The following SPPL2B variants were observed in gnomAD, a reference collection of about 807,000 sequenced individuals.
SPPL2B encodes signal peptide peptidase-like 2B.
A neutral mutation model predicts 59.7 loss-of-function variants in SPPL2B; 39 were observed. The ratio of observed to expected loss-of-function variants is 0.65; its 90% CI spans 0.51 to 0.85. The LOEUF (loss-of-function observed/expected upper bound fraction) is 0.85. Ranked by LOEUF, SPPL2B falls within the 40% of genes least tolerant of loss-of-function variation. SPPL2B has a pLI of 0.00. For synonymous variants in SPPL2B, 419 were observed against 370.8 expected, an observed-to-expected ratio of 1.13 and a Z score of -1.49; for missense variants, 865 against 849.0, an observed-to-expected ratio of 1.02 and a Z score of -0.23.
chr19:2,349,059 T>C (rs74203172), intron 13 of SPPL2B, among the ~76,000 whole-genome samples: 507 of 20,420 alleles, frequency 0.025, no homozygotes, highest in Middle Eastern at 0.091. Context: ...TCTCATTCGC[T>C]TGATTCCGTT....
chr19:2,328,687 G>T lies in SPPL2B; in HGVS notation c.-23G>T. ...GCGTTGCTGGGAAACATCTGCCGTT[G>T]GTTGCGGCGGGCACCGGCCGACATG... On this transcript the variant is annotated 5_prime_UTR_variant, in exon 1 of 15. Transcript: ENST00000613503. 7.0e-7 allele frequency: 1 copy of T among 1,434,756 alleles called. No individual in the cohort carries two copies. The highest frequency in any genetic ancestry group is 9.1e-7 in the Non-Finnish European group (1 of 1,103,318). The allele number at this position is 1,434,756 out of a possible 1,614,324, so 88.9% of individuals were successfully genotyped here. A position where few individuals can be genotyped will look rare whatever the true frequency, so the allele number is the denominator to read the frequency against.
At chr19:2,352,177 G>A (rs1969963655) in intron 14 of SPPL2B, among the ~76,000 whole-genome samples, 1 of 152,176 alleles carries the variant, frequency 6.6e-6, no homozygotes, top group African/African-American at 2.4e-5. Flanking sequence ...GAACAGGAGT[G>A]GGTGGGACCC....
At chr19:2,348,352 TCA>T (rs1453115666) in intron 13 of SPPL2B, among the ~76,000 whole-genome samples, 10 of 59,852 alleles carry the variant, frequency 1.7e-4, no homozygotes, top group African/African-American at 6.2e-4. Flanking sequence ...ACACACACAC[TCA>T]CGCGCTCTCA....
intron 12 of SPPL2B, 138 bp from the exon 13 acceptor site, chr19:2,345,111 CCTGT>C: frequency 7.8e-6 from 5 of 644,018 alleles, no homozygotes; most frequent in South Asian, 5.3e-5. Context: ...GAGCGTGTGG[CCTGT>C]CTGTGAAATG....
intron 13 of SPPL2B, among the ~76,000 whole-genome samples, chr19:2,346,324 C>T (rs1001690141): frequency 1.3e-5 from 2 of 152,260 alleles, no homozygotes; most frequent in Admixed American, 6.5e-5. Flanking sequence ...GCAGGTGCCC[C>T]TGGCTTTCCC....
chr19:2,346,884 C>T (rs12982784), intron 13 of SPPL2B, among the ~76,000 whole-genome samples: 53,471 of 152,038 alleles, frequency 0.35, 10,470 homozygotes, highest in Middle Eastern at 0.46. Context: ...GGACGCTCCC[C>T]GTGGCATGGC....
chr19:2,329,179 G>A (rs958227086), intron 1 of SPPL2B, among the ~76,000 whole-genome samples: 1 of 152,234 alleles, frequency 6.6e-6, no homozygotes, highest in Non-Finnish European at 1.5e-5. Context: ...GAACGGGCAC[G>A]GTGCTAAGCT....
chr19:2,351,210 C>T (rs1481344132), intron 13 of SPPL2B, among the ~76,000 whole-genome samples: 1 of 152,184 alleles, frequency 6.6e-6, no homozygotes, highest in Non-Finnish European at 1.5e-5. Context: ...CCTCGGTGAC[C>T]CTGGCTCCGG....
At chr19:2,333,853 G>A (rs1357804849) in intron 1 of SPPL2B, among the ~76,000 whole-genome samples, 1 of 152,244 alleles carries the variant, frequency 6.6e-6, no homozygotes, top group East Asian at 1.9e-4. Context: ...CGAAGTGGGA[G>A]CTGCTGTGCT....
At chr19:2,340,485 GC>G in intron 7 of SPPL2B, 1 of 610,110 alleles carries the variant, frequency 1.6e-6, no homozygotes, top group African/African-American at 1.9e-5. Context: ...GTTCCCCACA[GC>G]CCAGAGCTTG....
intron 1 of SPPL2B, 84 bp from the exon 2 acceptor site, chr19:2,334,518 C>T: frequency 6.6e-7 from 1 of 1,507,060 alleles, no homozygotes; most frequent in Non-Finnish European, 8.9e-7. Context: ...GAGGCGTCCT[C>T]CCCTCCTCGG....
chr19:2,350,354 G>C (rs1028452072), intron 13 of SPPL2B, among the ~76,000 whole-genome samples: 1 of 135,706 alleles, frequency 7.4e-6, no homozygotes, highest in African/African-American at 2.8e-5. Flanking sequence ...GCTCTCATTC[G>C]CTTGATTCCG....
chr19:2,338,157 G>A (rs1968767786), intron 3 of SPPL2B: 1 of 156,564 alleles, frequency 6.4e-6, no homozygotes, highest in Admixed American at 6.3e-5. Flanking sequence ...CCGACTGCTG[G>A]GCTGGGCAGG....
chr19:2,340,391 G>A lies in SPPL2B; in HGVS notation c.839+219G>A, dbSNP rs1008922. On this transcript the variant is annotated intron_variant, in intron 7 of 14. Coordinates refer to ENST00000613503, the MANE Select transcript of SPPL2B (RefSeq NM_152988.3). Reference sequence around the variant, plus strand: ...AGCCAGGCGCCAGGGGTGGCGGGGGGAGGGTGCCCTTGTCCCCAGGAACCC... The same window carrying A: ...AGCCAGGCGCCAGGGGTGGCGGGGGAAGGGTGCCCTTGTCCCCAGGAACCC... 0.022 allele frequency: 13,794 copies of A among 615,028 alleles called. 1,468 individuals carry two copies. In the African/African-American group the frequency reaches 0.23, roughly 10 times the overall value. The allele number at this position is 615,028 out of a possible 1,614,324, so 38.1% of individuals were successfully genotyped here.
At chr19:2,342,958 G>T in intron 8 of SPPL2B, 1 of 525,488 alleles carries the variant, frequency 1.9e-6, no homozygotes, top group Non-Finnish European at 3.5e-6. Context: ...CCTGGCTGCC[G>T]AGTGGTGGGC....
chr19:2,341,236 G>C, intron 8 of SPPL2B: 1 of 683,724 alleles, frequency 1.5e-6, no homozygotes, highest in Non-Finnish European at 2.7e-6. Context: ...CTGGAATCCG[G>C]GAGGAGAGGC....
At chr19:2,343,041 C>T in intron 8 of SPPL2B, 170 bp from the exon 9 acceptor site, 1 of 619,582 alleles carries the variant, frequency 1.6e-6, no homozygotes, top group Non-Finnish European at 2.9e-6. Flanking sequence ...GTTGTAACAG[C>T]AGGGGTCCTC....
intron 3 of SPPL2B, chr19:2,338,505 T>G: frequency 4.0e-5 from 18 of 453,462 alleles, no homozygotes; most frequent in East Asian, 7.9e-5. Context: ...GAGGGAGGGA[T>G]TAGTGGCGCT....
intron 13 of SPPL2B, among the ~76,000 whole-genome samples, chr19:2,347,225 TCACGCGC>T (rs1969442016): frequency 8.8e-6 from 1 of 113,580 alleles, no homozygotes; most frequent in Admixed American, 9.3e-5. Flanking sequence ...ACACACACAC[TCACGCGC>T]TCTCATTCGC....
Sources: gnomAD v4.1 joint callset for allele counts (sites outside exome capture counted in the v4.1 genomes callset) on GRCh38, gnomAD v4.1.1 for gene constraint, MANE v1.5 for transcripts, NCBI Gene and HGNC (gene_info 2026-07-23, HGNC 2026-07-21) for gene names.